Variants in PCDHGA2 observed in about 807,000 individuals in gnomAD.
The protein encoded by PCDHGA2 is protocadherin gamma-A2.
Under a neutral mutation model 59.2 loss-of-function variants are expected in PCDHGA2, and 40 were observed. That is an observed-to-expected ratio of 0.68 (90% CI 0.52 to 0.88). The LOEUF (loss-of-function observed/expected upper bound fraction) is 0.88. Ranked by LOEUF, PCDHGA2 falls within the 40% of genes least tolerant of loss-of-function variation. PCDHGA2 has a pLI of 0.00. For missense variants in PCDHGA2, 1,226 were observed against 1,204.0 expected (o/e 1.02, Z -0.27); for synonymous variants, 560 against 526.0 (o/e 1.06, Z -0.89).
intron 1 of PCDHGA2, chr5:141,356,995 G>T (rs372951385): frequency 4.3e-6 from 7 of 1,614,184 alleles, no homozygotes; most frequent in East Asian, 2.2e-5. Context: ...CAGAGACTCA[G>T]GTCAGAATGC....
intron 1 of PCDHGA2, among the ~76,000 whole-genome samples, chr5:141,369,558 C>A (rs1389001825): frequency 6.6e-6 from 1 of 152,088 alleles, no homozygotes; most frequent in Non-Finnish European, 1.5e-5. Flanking sequence ...CACTTGGAAA[C>A]AAAGGAAAAG....
chr5:141,469,410 A>G (rs2099200490), intron 1 of PCDHGA2, among the ~76,000 whole-genome samples: 1 of 152,128 alleles, frequency 6.6e-6, no homozygotes, highest in Non-Finnish European at 1.5e-5. Context: ...CCCCGTTTCT[A>G]CTAAAAATAT....
chr5:141,403,069 A>G (rs747569947), intron 1 of PCDHGA2: 3 of 1,613,954 alleles, frequency 1.9e-6, no homozygotes, highest in African/African-American at 2.7e-5. Flanking sequence ...CTGAAGAGAC[A>G]GAAAAGGGCT....
At position 141,431,317 on chromosome 5, in the gene PCDHGA2, C is replaced by T. The variant is rs778667104; in HGVS notation, c.2425-63490C>T. ...TCTCCCTCATCGTGCAAAATGGAGC[C>T]GACGGTAGTAAGTACCCCGAATTGG... On this transcript the variant is annotated intron_variant, in intron 1 of 3. Coordinates refer to ENST00000394576, the MANE Select transcript of PCDHGA2 (RefSeq NM_018915.4). This position sits in a 1 kb window ranked among gnomAD's most constrained non-coding sequence, Gnocchi z 4.8. The T allele has an allele frequency of 6.2e-6, 10 of 1,613,964 alleles. No homozygotes were observed. The highest frequency in any genetic ancestry group is 7.6e-6 in the Non-Finnish European group (9 of 1,180,046).
chr5:141,394,013 T>C, intron 1 of PCDHGA2: 1 of 1,613,384 alleles, frequency 6.2e-7, no homozygotes, highest in Non-Finnish European at 8.5e-7. Flanking sequence ...CAATAGGTAA[T>C]TATTATAGAT....
intron 1 of PCDHGA2, chr5:141,471,227 T>C (rs2099253010): frequency 6.6e-6 from 1 of 151,604 alleles, no homozygotes; most frequent in Admixed American, 6.6e-5. Flanking sequence ...TTTTTTGTAT[T>C]TTTAGTAGAG....
At chr5:141,434,119 C>T (rs2097673106) in intron 1 of PCDHGA2, among the ~76,000 whole-genome samples, 1 of 152,180 alleles carries the variant, frequency 6.6e-6, no homozygotes, top group Non-Finnish European at 1.5e-5. Flanking sequence ...GCCTTTGGGA[C>T]TCCCTTTAGG....
In PCDHGA2 at chr5:141,366,672, G is replaced by A. The variant is rs202102428; in HGVS notation, c.2424+25277G>A. ...CCCAACTACGCAGACACGCTCCTTA[G>A]TGAAGAGAGCTGTGAGAAAAGCGAG... On this transcript the variant is annotated intron_variant, in intron 1 of 3. Transcript: ENST00000394576. The A allele has an allele frequency of 1.6e-4, 266 of 1,614,142 alleles. 2 individuals carry two copies. Among genetic ancestry groups the A allele is most frequent in the Non-Finnish European group, 2.9e-5 (34 of 1,180,058 alleles).
intron 1 of PCDHGA2, chr5:141,410,823 C>CCAGACTGA (rs2095425464): frequency 2.1e-6 from 1 of 479,988 alleles, no homozygotes; most frequent in African/African-American, 2.5e-5. Flanking sequence ...AATAATGTCA[C>CCAGACTGA]CAGACTGAAG....
chr5:141,472,060 T>C (rs185246000), intron 1 of PCDHGA2, among the ~76,000 whole-genome samples: 5 of 152,276 alleles, frequency 3.3e-5, no homozygotes, highest in Non-Finnish European at 1.5e-5. Context: ...ATGATTGACA[T>C]GTCTGTGGTT....
At chr5:141,344,300 G>T in intron 1 of PCDHGA2, 1 of 1,614,098 alleles carries the variant, frequency 6.2e-7, no homozygotes, top group South Asian at 1.1e-5. Context: ...CCGCGGAGAG[G>T]ATAGACCGGG....
At chr5:141,393,051 C>T in intron 1 of PCDHGA2, 1 of 1,613,622 alleles carries the variant, frequency 6.2e-7, no homozygotes, top group Non-Finnish European at 8.5e-7. Context: ...TCTGAACCCG[C>T]GCAGCGGCAG....
intron 2 of PCDHGA2, among the ~76,000 whole-genome samples, chr5:141,497,671 C>T (rs1026356633): frequency 6.6e-5 from 10 of 151,878 alleles, no homozygotes; most frequent in African/African-American, 2.4e-4. Flanking sequence ...TCCCGAGTAG[C>T]TGGGACAGCA....
chr5:141,361,554 A>C, intron 1 of PCDHGA2: 3 of 1,614,062 alleles, frequency 1.9e-6, no homozygotes, highest in Non-Finnish European at 2.5e-6. Flanking sequence ...CTATCGCTCA[A>C]ATCAGTGCCT....
At position 141,356,332 on chromosome 5, in the gene PCDHGA2, G is replaced by A; in HGVS notation, c.2424+14937G>A. The A allele has an allele frequency of 6.4e-7, 1 of 1,554,428 alleles. No homozygotes were observed. Among genetic ancestry groups the A allele is most frequent in the African/African-American group, 1.4e-5 (1 of 73,232 alleles). ...CAACGTGCATGACAGTGACTCAGGAGGAAATGGCCTAGTCACATGTTCTAT... is the reference window on the plus strand; with the variant it reads ...CAACGTGCATGACAGTGACTCAGGAAGAAATGGCCTAGTCACATGTTCTAT... On this transcript the variant is annotated intron_variant, in intron 1 of 3. Coordinates refer to ENST00000394576, the MANE Select transcript of PCDHGA2 (RefSeq NM_018915.4).
rs151293422 is a variant in PCDHGA2, at chr5:141,487,556, A to G, written c.2425-7251A>G. ...GATGGTGAAGTCACCCAGTGCACCT[A>G]TGGCAGGGGAGCCTGTTCGCCCAAG... On this transcript the variant is annotated intron_variant, in intron 1 of 3. Coordinates refer to ENST00000394576, the MANE Select transcript of PCDHGA2 (RefSeq NM_018915.4). This position sits in a 1 kb window ranked among gnomAD's most constrained non-coding sequence, Gnocchi z 5.0. 2,837 of 1,614,100 alleles carry G rather than the reference A, an allele frequency of 1.8e-3. 31 individuals are homozygous for G. The highest frequency in any genetic ancestry group is 1.2e-3 in the South Asian group (105 of 91,084).
rs1297105453 is a variant in PCDHGA2, at chr5:141,357,419, T to C, written c.2424+16024T>C. On this transcript the variant is annotated intron_variant, in intron 1 of 3. Transcript: ENST00000394576. ...TTGGCAGGTGTGCCTGCCTCGCACT[T>C]TGTGGGCGTGGACGGGGTTCGGGCT... 4 of 1,614,064 alleles carry C rather than the reference T, an allele frequency of 2.5e-6. No homozygotes were observed. In the Admixed American group the frequency reaches 5.0e-5, roughly 20 times the overall value.
chr5:141,393,614 C>T (rs971778718), intron 1 of PCDHGA2: 2 of 1,613,778 alleles, frequency 1.2e-6, no homozygotes, highest in Non-Finnish European at 1.7e-6. Flanking sequence ...TAACAGCCAG[C>T]GACCCGGATG....
chr5:141,371,160 C>T, intron 1 of PCDHGA2: 4 of 1,614,022 alleles, frequency 2.5e-6, no homozygotes, highest in Non-Finnish European at 2.5e-6. Context: ...AGAGAACCTG[C>T]CCGCTGGCTC....
Sources: allele counts gnomAD v4.1 joint callset (sites outside exome capture counted in the v4.1 genomes callset), GRCh38; gene constraint gnomAD v4.1.1; non-coding constraint Gnocchi (gnomAD v3.1); transcripts MANE v1.5; gene names NCBI Gene and HGNC (gene_info 2026-07-23, HGNC 2026-07-21).